Variants in FAM234A observed in about 807,000 individuals in gnomAD.
FAM234A encodes the protein family with sequence similarity 234 member A.
In FAM234A, 42 loss-of-function variants were observed where a neutral mutation model predicts 49.1. The ratio of observed to expected loss-of-function variants is 0.86; its 90% CI spans 0.67 to 1.11. The LOEUF (loss-of-function observed/expected upper bound fraction) is 1.11, where lower values mean the gene tolerates loss of function less well. FAM234A is among the 50% of genes least tolerant of loss of function. The pLI is 0.00. For synonymous variants in FAM234A, 369 were observed against 316.2 expected (o/e 1.17, Z -1.77); for missense variants, 815 against 745.2 (o/e 1.09, Z -1.09).
At chr16:253,280 A>C (rs1400675499) in intron 2 of FAM234A, among the ~76,000 whole-genome samples, 1 of 152,100 alleles carries the variant, frequency 6.6e-6, no homozygotes, top group African/African-American at 2.4e-5. Context: ...ATTGGGGCTC[A>C]GAAGTTACTC....
chr16:264,778 G>A (rs1451728699), intron 12 of FAM234A, 33 bp from the exon 13 acceptor site: 6 of 1,607,418 alleles, frequency 3.7e-6, no homozygotes, highest in Non-Finnish European at 5.1e-6. Flanking sequence ...CTGGTCCTGA[G>A]CCGCCCTGAC....
In FAM234A at chr16:254,563, G is replaced by C. The variant is rs1474117906; in HGVS notation, c.150G>C (p.Ala50=). The C allele has an allele frequency of 6.2e-7, 1 of 1,614,152 alleles. No individual in the cohort carries two copies. Among genetic ancestry groups the C allele is most frequent in the South Asian group, 1.1e-5 (1 of 91,082 alleles). Reference sequence around the variant, plus strand: ...CCCGGCTCTCCCGGTGCCGAGCGGCGGCGTTTTTTCTTTCATTGTTTCTCT... The same window carrying C: ...CCCGGCTCTCCCGGTGCCGAGCGGCCGCGTTTTTTCTTTCATTGTTTCTCT... The part of the protein sequence containing the change: ...PQSRLSRCRA[A]AFFLSLFLCL... Residue 50 remains alanine (A), a synonymous_variant, in exon 3 of 13, where the codon GCG becomes GCC. Transcript: ENST00000399932.
downstream of FAM234A, chr16:268,802 C>A (rs1468979164): frequency 1.2e-5 from 18 of 1,550,382 alleles, no homozygotes; most frequent in Non-Finnish European, 1.6e-5. Context: ...AGCGGAGAGG[C>A]TCTTGGACGG....
rs1223937675 is a variant in FAM234A, at chr16:239,087, T to TA, written c.-140+4240dup. Among the ~76,000 whole-genome samples, 586 of 102,024 alleles carry TA rather than the reference T, an allele frequency of 5.7e-3. 17 individuals carry two copies. The highest frequency in any genetic ancestry group is 0.052 in the Admixed American group (495 of 9,610). 66.9% of individuals were successfully genotyped at this position (102,024 alleles called of 152,430 possible). A position where few individuals can be genotyped will look rare whatever the true frequency, so the allele number is the denominator to read the frequency against. On this transcript the variant is annotated intron_variant, in intron 1 of 12. Transcript: ENST00000399932. ...ACAGAGCGAGCCTACGTCTCAAAAA[T>TA]AAAAAAAAAATACCATCCTGGCTAA...
At chr16:269,580 G>A, downstream of FAM234A, 5 of 1,612,858 alleles carry the variant, frequency 3.1e-6, no homozygotes, top group Non-Finnish European at 3.4e-6. Flanking sequence ...ACCTTGGGTA[G>A]GAGTCCTACA....
At chr16:269,724 C>A (rs1252723933), downstream of FAM234A, 1 of 676,370 alleles carries the variant, frequency 1.5e-6, no homozygotes, top group Non-Finnish European at 2.5e-6. Context: ...GAGGCAGCCG[C>A]CTCGGACCTG....
chr16:267,656 CAT>C (rs1339738075), downstream of FAM234A, among the ~76,000 whole-genome samples: 6 of 145,218 alleles, frequency 4.1e-5, no homozygotes, highest in Admixed American at 1.4e-4. Flanking sequence ...CGTGCACACA[CAT>C]ATGCATGCCT....
intron 1 of FAM234A, among the ~76,000 whole-genome samples, chr16:244,180 G>C (rs924598364): frequency 3.3e-5 from 5 of 152,256 alleles, no homozygotes; most frequent in Non-Finnish European, 5.9e-5. Context: ...GTGTTAGCTA[G>C]GATGGTCTCG....
chr16:238,575 G>A (rs1299146960), intron 1 of FAM234A, among the ~76,000 whole-genome samples: 2 of 151,778 alleles, frequency 1.3e-5, no homozygotes, highest in Non-Finnish European at 1.5e-5. Context: ...GACCATCCTG[G>A]CTAACACAGT....
At chr16:252,553 G>A (rs930259149) in intron 2 of FAM234A, among the ~76,000 whole-genome samples, 2 of 152,064 alleles carry the variant, frequency 1.3e-5, no homozygotes, top group Non-Finnish European at 2.9e-5. Context: ...GTAGTTCTGT[G>A]TTTAACTTTT....
At chr16:269,419 A>G (rs747319959), downstream of FAM234A, 4 of 1,591,288 alleles carry the variant, frequency 2.5e-6, no homozygotes, top group Non-Finnish European at 3.4e-6. Flanking sequence ...CAGGCTGGCC[A>G]GCTGGTGTCC....
chr16:260,603 G>A lies in FAM234A; in HGVS notation c.577+443G>A, dbSNP rs764136443. 7.4e-5 allele frequency: 35 copies of A among 474,860 alleles called. No homozygotes were observed. In the East Asian group the frequency reaches 7.6e-4, roughly 10 times the overall value. The allele number at this position is 474,860 out of a possible 1,614,324, so 29.4% of individuals were successfully genotyped here. A position where few individuals can be genotyped will look rare whatever the true frequency, so the allele number is the denominator to read the frequency against. ...AAGGTGCAGGTCTCCGAGCCCCAGCGGAGCCGGCCTCGTGGAAGGACGAGG... is the reference window on the plus strand; with the variant it reads ...AAGGTGCAGGTCTCCGAGCCCCAGCAGAGCCGGCCTCGTGGAAGGACGAGG... On this transcript the variant is annotated intron_variant, in intron 5 of 12. Transcript: ENST00000399932.
downstream of FAM234A, chr16:269,477 G>C: frequency 6.2e-7 from 1 of 1,610,116 alleles, no homozygotes; most frequent in East Asian, 2.2e-5. Context: ...CACAGCCGCC[G>C]GCCACAGGGC....
Position 260,134 on chromosome 16 carries a change from C to T in FAM234A, c.551C>T (p.Ser184Phe). Reference sequence around the variant, plus strand: ...TGCATCCTGGTGGGCAGACCCAGTTCTTTCATTGCAGTCAACTTGTTCACA... The same window carrying T: ...TGCATCCTGGTGGGCAGACCCAGTTTTTTCATTGCAGTCAACTTGTTCACA... Reference protein sequence around the residue: ...SACILVGRPSSFIAVNLFTGE... With the variant: ...SACILVGRPSFFIAVNLFTGE... The change falls in exon 5 of 13, where the codon TCT becomes TTT. Residue 184 changes from serine (S) to phenylalanine (F), a missense_variant. Coordinates refer to ENST00000399932, the MANE Select transcript of FAM234A (RefSeq NM_032039.4). 6.2e-7 allele frequency: 1 copy of T among 1,613,802 alleles called. No individual in the cohort carries two copies. The highest frequency in any genetic ancestry group is 8.5e-7 in the Non-Finnish European group (1 of 1,180,034).
At position 264,125 on chromosome 16, in the gene FAM234A, C is replaced by A; in HGVS notation, c.1298C>A (p.Ala433Asp). The A allele has an allele frequency of 6.2e-7, 1 of 1,610,128 alleles. No individual in the cohort carries two copies. The highest frequency in any genetic ancestry group is 2.2e-5 in the East Asian group (1 of 44,860). The change falls in exon 11 of 13, where the codon GCC becomes GAC. Residue 433 changes from alanine to aspartate, a missense_variant. By Grantham distance (126) the Ala-to-Asp change is moderately radical. Coordinates refer to ENST00000399932, the MANE Select transcript of FAM234A (RefSeq NM_032039.4). ...CTGCCGACCGCAGACCACCGCTCAG[C>A]CTTCTTCTTCTGGGGCCTCCACGAG... is the stretch of plus-strand genomic sequence containing the variant. The part of the protein sequence containing the change: ...ASLPTADHRS[A>D]FFFWGLHELG...
chr16:241,713 C>T (rs565018257), intron 1 of FAM234A, among the ~76,000 whole-genome samples: 4 of 152,016 alleles, frequency 2.6e-5, no homozygotes, highest in Non-Finnish European at 5.9e-5. Context: ...GTCAGCAGAT[C>T]GAGACCATCC....
intron 1 of FAM234A, among the ~76,000 whole-genome samples, chr16:248,593 AAGG>A (rs1169996173): frequency 6.6e-6 from 1 of 151,900 alleles, no homozygotes; most frequent in Non-Finnish European, 1.5e-5. Flanking sequence ...CACAAGATGA[AAGG>A]AGATTTACCC....
At chr16:247,289 C>T (rs543594285) in intron 1 of FAM234A, among the ~76,000 whole-genome samples, 7 of 151,556 alleles carry the variant, frequency 4.6e-5, no homozygotes, top group Admixed American at 3.9e-4. Context: ...GCCACCACAC[C>T]GGGCTGATTT....
chr16:239,614 CAAA>C (rs534376069), intron 1 of FAM234A, among the ~76,000 whole-genome samples: 3 of 102,348 alleles, frequency 2.9e-5, no homozygotes, highest in East Asian at 2.7e-4. Flanking sequence ...GGCCCCGTCT[CAAA>C]AAAAAAAAAA....
Sources: gnomAD v4.1 joint callset for allele counts (sites outside exome capture counted in the v4.1 genomes callset) on GRCh38, gnomAD v4.1.1 for gene constraint, MANE v1.5 for transcripts, NCBI Gene and HGNC (gene_info 2026-07-23, HGNC 2026-07-21) for gene names.